The following RTN4 variants were observed in gnomAD, a reference collection of about 807,000 sequenced individuals.
RTN4 encodes the protein reticulon 4, also known as reticulon-4.
Under a neutral mutation model 90.4 loss-of-function variants are expected in RTN4, and 32 were observed. The ratio of observed to expected loss-of-function variants is 0.35; its 90% confidence interval spans 0.27 to 0.48. The LOEUF (loss-of-function observed/expected upper bound fraction) is 0.48, where lower values mean the gene tolerates loss of function less well. RTN4 is among the 20% of genes least tolerant of loss of function. The pLI is 0.99. For synonymous variants in RTN4, 629 were observed against 552.5 expected (o/e 1.14, Z -1.94); for missense variants, 1,706 against 1,430.2 (o/e 1.19, Z -3.11).
At chr2:55,033,913 A>G (rs1412735684) in intron 1 of RTN4, among the ~76,000 whole-genome samples, 1 of 152,224 alleles carries the variant, frequency 6.6e-6, no homozygotes, top group Non-Finnish European at 1.5e-5. Context: ...CTATTCTGAA[A>G]TATAGAATAA....
chr2:54,998,123 C>T (rs929391156), intron 3 of RTN4, among the ~76,000 whole-genome samples: 42 of 151,388 alleles, frequency 2.8e-4, no homozygotes, highest in South Asian at 6.3e-4. Flanking sequence ...ATATGAAGTG[C>T]CTTGAATATG....
chr2:55,089,077 C>T (rs542180851), intron 1 of RTN4, among the ~76,000 whole-genome samples: 10 of 152,072 alleles, frequency 6.6e-5, no homozygotes, highest in Non-Finnish European at 1.2e-4. Flanking sequence ...GGACTACAGG[C>T]GCTCACAGTT....
rs766968750 is a variant in RTN4, at chr2:55,050,091, G to T, written c.210C>A (p.Thr70=). The T allele has an allele frequency of 1.7e-5, 25 of 1,474,564 alleles. No homozygotes were observed. In the African/African-American group the frequency reaches 3.1e-4, roughly 18 times the overall value. 91.3% of individuals were successfully genotyped at this position (1,474,564 alleles called of 1,614,324 possible). ...TCAGGGGCGCGCCGGCGGCAGGGGC[G>T]GTGGGCACTGGGGCCGCGGACAGCC... ...AAGLSAAPVP[T]APAAGAPLMD... The change falls in exon 1 of 9, where the codon ACC becomes ACA. Residue 70 remains threonine, a synonymous_variant. Coordinates refer to ENST00000337526, the MANE Select transcript of RTN4 (RefSeq NM_020532.5). This position sits in a 1 kb window ranked among gnomAD's most constrained non-coding sequence, Gnocchi z 4.6.
chr2:55,012,820 G>A (rs1378928532), intron 3 of RTN4, among the ~76,000 whole-genome samples: 1 of 152,068 alleles, frequency 6.6e-6, no homozygotes, highest in African/African-American at 2.4e-5. Context: ...TATTGTCGTT[G>A]CTGTATAGTT....
chr2:55,024,515 T>C (rs1314719102), intron 3 of RTN4, among the ~76,000 whole-genome samples: 1 of 152,032 alleles, frequency 6.6e-6, no homozygotes, highest in Non-Finnish European at 1.5e-5. Context: ...ATGTGGAAAA[T>C]GGATAGTCAA....
intron 3 of RTN4, among the ~76,000 whole-genome samples, chr2:55,003,650 C>T (rs920634188): frequency 6.6e-6 from 1 of 152,194 alleles, no homozygotes; most frequent in Non-Finnish European, 1.5e-5. Context: ...AGTCAGCCCT[C>T]TATGTCTGCA....
chr2:55,066,065 G>A (rs771846243), intron 2 of RTN4, among the ~76,000 whole-genome samples: 2 of 152,026 alleles, frequency 1.3e-5, no homozygotes, highest in Admixed American at 6.5e-5. Flanking sequence ...TAGACTAATA[G>A]AAATTTTTAA....
chr2:54,976,838 C>G (rs543287629), intron 5 of RTN4, among the ~76,000 whole-genome samples: 4 of 152,292 alleles, frequency 2.6e-5, no homozygotes, highest in African/African-American at 9.6e-5. Flanking sequence ...GATTCCATGG[C>G]AAATACTTTG....
chr2:55,093,094 G>C (rs1668970315), intron 1 of RTN4, among the ~76,000 whole-genome samples: 1 of 152,190 alleles, frequency 6.6e-6, no homozygotes, highest in African/African-American at 2.4e-5. Flanking sequence ...TGTTCTAAGA[G>C]CTGCTTGAAA....
intron 3 of RTN4, among the ~76,000 whole-genome samples, chr2:55,024,885 T>C (rs1225265078): frequency 6.6e-6 from 1 of 152,158 alleles, no homozygotes; most frequent in Non-Finnish European, 1.5e-5. Flanking sequence ...AGTGTAACTG[T>C]GTGGAAAAGT....
intron 1 of RTN4, among the ~76,000 whole-genome samples, chr2:55,096,022 T>C (rs186722409): frequency 6.6e-6 from 1 of 152,264 alleles, no homozygotes. Flanking sequence ...ACCATTTTCA[T>C]CCCACCATAT....
chr2:55,047,015 T>C (rs544228293), intron 1 of RTN4: 4 of 152,310 alleles, frequency 2.6e-5, no homozygotes, highest in Admixed American at 2.6e-4. Context: ...ACAAGATTAG[T>C]ATGCTTTTGT....
chr2:55,090,006 A>C (rs1289647022), intron 1 of RTN4, among the ~76,000 whole-genome samples: 1 of 152,244 alleles, frequency 6.6e-6, no homozygotes, highest in Non-Finnish European at 1.5e-5. Flanking sequence ...AAGTTGAGAA[A>C]GGCTTACTTT....
intron 1 of RTN4, among the ~76,000 whole-genome samples, chr2:55,041,737 A>G (rs1166642547): frequency 7.9e-5 from 12 of 152,110 alleles, no homozygotes; most frequent in African/African-American, 2.9e-4. Context: ...ATGAAATCAT[A>G]AAAAGTATAA....
At position 55,027,418 on chromosome 2, in the gene RTN4, G is replaced by A; in HGVS notation, c.681C>T (p.Val227=). ...ISAGQEDFPS[V]LLETAASLPS... is the part of the protein sequence containing the mutation. ...GAAGAGAAGCAGCAGTTTCAAGCAG[G>A]ACAGATGGGAAATCCTCTTGACCAG... Residue 227 remains valine, a synonymous_variant, in exon 3 of 9, where the codon GTC becomes GTT. Transcript: ENST00000337526. The A allele has an allele frequency of 6.2e-7, 1 of 1,613,588 alleles. No individual in the cohort carries two copies. Among genetic ancestry groups the A allele is most frequent in the Non-Finnish European group, 8.5e-7 (1 of 1,179,708 alleles).
chr2:55,056,608 C>A (rs953137119), intron 2 of RTN4: 23 of 151,452 alleles, frequency 1.5e-4, no homozygotes, highest in African/African-American at 5.6e-4. Context: ...GTCACCCAAA[C>A]TGGGTGACAG....
chr2:55,105,868 T>A (rs2968819), intron 1 of RTN4, among the ~76,000 whole-genome samples: 34,297 of 151,954 alleles, frequency 0.23, 4,577 homozygotes, highest in East Asian at 0.46. Context: ...TAGTCCTAAC[T>A]ACTCTGGAGG....
intron 2 of RTN4, among the ~76,000 whole-genome samples, chr2:55,069,869 C>A (rs934475732): frequency 6.6e-6 from 1 of 152,170 alleles, no homozygotes; most frequent in Admixed American, 6.5e-5. Flanking sequence ...AACACAGGTA[C>A]ATGAATTAAG....
chr2:55,008,777 T>C (rs1224957137), intron 3 of RTN4, among the ~76,000 whole-genome samples: 1 of 152,200 alleles, frequency 6.6e-6, no homozygotes, highest in Non-Finnish European at 1.5e-5. Flanking sequence ...ACCTTAATAG[T>C]TGCAGAATGA....
Sources: gnomAD v4.1 joint callset for allele counts (sites outside exome capture counted in the v4.1 genomes callset) on GRCh38, gnomAD v4.1.1 for gene constraint, Gnocchi (gnomAD v3.1) non-coding constraint, MANE v1.5 for transcripts, NCBI Gene and HGNC (gene_info 2026-07-23, HGNC 2026-07-21) for gene names.